The following TMEM132D variants were observed in gnomAD, a reference collection of about 807,000 sequenced individuals.
TMEM132D encodes the protein mature OL transmembrane protein.
In TMEM132D, 21 loss-of-function variants were observed where a neutral mutation model predicts 62.3. The ratio of observed to expected loss-of-function variants is 0.34; its 90% CI spans 0.24 to 0.49. The LOEUF is 0.49. TMEM132D is among the 20% of genes least tolerant of loss of function. The probability of loss-of-function intolerance (pLI) is 0.99; values close to 1 mark genes in which losing one functional copy is unlikely to be tolerated. For synonymous variants in TMEM132D, 621 were observed against 575.6 expected, an observed-to-expected ratio of 1.08 and a Z score of -1.13; for missense variants, 1,346 against 1,402.8, an observed-to-expected ratio of 0.96 and a Z score of 0.65.
chr12:129,717,715 CAT>C (rs1463442286), intron 1 of TMEM132D, among the ~76,000 whole-genome samples: 1 of 150,810 alleles, frequency 6.6e-6, no homozygotes. Flanking sequence ...AAATAGTTAA[CAT>C]ATTTAATAAA....
chr12:129,424,505 C>T (rs1020266874), intron 3 of TMEM132D, among the ~76,000 whole-genome samples: 6 of 152,006 alleles, frequency 3.9e-5, no homozygotes, highest in African/African-American at 1.5e-4. Flanking sequence ...TTGAGACCAT[C>T]CTGGCCAACA....
At chr12:129,393,288 G>A (rs1871338368) in intron 3 of TMEM132D, among the ~76,000 whole-genome samples, 1 of 152,214 alleles carries the variant, frequency 6.6e-6, no homozygotes, top group African/African-American at 2.4e-5. Flanking sequence ...ATGAGTGAGT[G>A]AATGAGTGAG....
intron 3 of TMEM132D, among the ~76,000 whole-genome samples, chr12:129,491,217 G>A (rs991984970): frequency 6.6e-6 from 1 of 152,132 alleles, no homozygotes; most frequent in African/African-American, 2.4e-5. Flanking sequence ...ACGAACATGT[G>A]GTTCACTCAT....
chr12:129,228,766 A>G (rs996645335), intron 4 of TMEM132D, among the ~76,000 whole-genome samples: 2 of 152,218 alleles, frequency 1.3e-5, no homozygotes, highest in African/African-American at 4.8e-5. Context: ...ACAAAAATCA[A>G]TTCCGATGCT....
At position 129,518,736 on chromosome 12, in the gene TMEM132D, G is replaced by A. The variant is rs185564228; in HGVS notation, c.1115+12323C>T. On this transcript the variant is annotated intron_variant, in intron 3 of 8. Transcript: ENST00000422113. The stretch of plus-strand genomic sequence containing the variant: ...TTTAAAACACCATTTTGTCAGCTCT[G>A]TTACATTTTGCTTGTGAAACTGCTA... Among the ~76,000 whole-genome samples, 21 of 152,018 alleles carry A rather than the reference G, an allele frequency of 1.4e-4. No individual in the cohort carries two copies. In the East Asian group the frequency reaches 3.9e-3, roughly 28 times the overall value.
intron 3 of TMEM132D, among the ~76,000 whole-genome samples, chr12:129,529,205 G>A (rs1030333247): frequency 3.7e-4 from 56 of 152,166 alleles, no homozygotes; most frequent in African/African-American, 1.3e-3. Flanking sequence ...AATGTACAAA[G>A]AGATAAGGAA....
Position 129,182,211 on chromosome 12 carries a change from A to C in TMEM132D, c.1443+27309T>G, listed in dbSNP as rs566849445. Among the ~76,000 whole-genome samples the C allele has an allele frequency of 2.6e-5, 4 of 152,294 alleles. No individual in the cohort carries two copies. The East Asian group carries it at 5.8e-4, about 22-fold the overall frequency. ...ACTCCATCTCTACTAAAAATACAAA[A>C]AAATTAGCCGGGTGCAGTGGTGCAC... On this transcript the variant is annotated intron_variant, in intron 5 of 8. Coordinates refer to ENST00000422113, the MANE Select transcript of TMEM132D (RefSeq NM_133448.3).
At position 129,489,144 on chromosome 12, in the gene TMEM132D, G is replaced by A. The variant is rs557381168; in HGVS notation, c.1115+41915C>T. ...ATTTCTCTCATTCTTAACATTCTCC[G>A]AAAATTAAAATTATGTTGAAGGATT... On this transcript the variant is annotated intron_variant, in intron 3 of 8. Coordinates refer to ENST00000422113, the MANE Select transcript of TMEM132D (RefSeq NM_133448.3). 2.4e-3 allele frequency among the ~76,000 whole-genome samples: 360 copies of A among 152,280 alleles called. 3 individuals are homozygous for A. The highest frequency in any genetic ancestry group is 7.9e-3 in the African/African-American group (329 of 41,554).
chr12:129,656,807 T>C (rs1485818467), intron 2 of TMEM132D, among the ~76,000 whole-genome samples: 4 of 152,188 alleles, frequency 2.6e-5, no homozygotes, highest in Non-Finnish European at 5.9e-5. Context: ...ATAGGCACTA[T>C]TATTTTACTA....
intron 3 of TMEM132D, among the ~76,000 whole-genome samples, chr12:129,484,324 G>A (rs891939871): frequency 2.0e-5 from 3 of 152,132 alleles, no homozygotes; most frequent in African/African-American, 7.2e-5. Flanking sequence ...TGCATCAACT[G>A]TCCCTTAACT....
intron 5 of TMEM132D, among the ~76,000 whole-genome samples, chr12:129,205,591 G>A (rs1471720368): frequency 2.0e-5 from 3 of 152,040 alleles, no homozygotes; most frequent in Non-Finnish European, 4.4e-5. Context: ...CCCATTGACA[G>A]TATTAGACAA....
At chr12:129,528,922 C>T (rs1876136050) in intron 3 of TMEM132D, among the ~76,000 whole-genome samples, 1 of 152,222 alleles carries the variant, frequency 6.6e-6, no homozygotes, top group African/African-American at 2.4e-5. Context: ...ACACATTTGT[C>T]TATCAACAAA....
intron 1 of TMEM132D, among the ~76,000 whole-genome samples, chr12:129,864,371 G>C (rs1291837876): frequency 6.6e-6 from 1 of 152,190 alleles, no homozygotes; most frequent in Non-Finnish European, 1.5e-5. Context: ...TATAGAAACA[G>C]CAAAATCATA....
At chr12:129,404,197 G>GTTA (rs1555253684) in intron 3 of TMEM132D, among the ~76,000 whole-genome samples, 3 of 151,586 alleles carry the variant, frequency 2.0e-5, no homozygotes, top group Non-Finnish European at 2.9e-5. Context: ...GGGTTATTTA[G>GTTA]TTATTTATTT....
intron 5 of TMEM132D, among the ~76,000 whole-genome samples, chr12:129,206,670 C>G (rs544683332): frequency 2.0e-5 from 3 of 152,306 alleles, no homozygotes; most frequent in Admixed American, 2.0e-4. Flanking sequence ...CATTGCTACA[C>G]TATTCACAAT....
At chr12:129,102,965 T>C (rs1400659838) in intron 5 of TMEM132D, among the ~76,000 whole-genome samples, 1 of 152,174 alleles carries the variant, frequency 6.6e-6, no homozygotes, top group Non-Finnish European at 1.5e-5. Flanking sequence ...ACAACAATTA[T>C]TGAATTTTGT....
At chr12:129,536,150 C>T (rs115341522) in intron 2 of TMEM132D, among the ~76,000 whole-genome samples, 1 of 152,184 alleles carries the variant, frequency 6.6e-6, no homozygotes, top group African/African-American at 2.4e-5. Flanking sequence ...CATGTGGCCA[C>T]ATAGTCTCTG....
chr12:129,844,603 C>T (rs999868603), intron 1 of TMEM132D, among the ~76,000 whole-genome samples: 2 of 152,124 alleles, frequency 1.3e-5, no homozygotes, highest in Middle Eastern at 3.2e-3. Context: ...AGCCTGTGAG[C>T]CCTTATGCAC....
chr12:129,163,614 C>G (rs1207878316), intron 5 of TMEM132D, among the ~76,000 whole-genome samples: 1 of 152,216 alleles, frequency 6.6e-6, no homozygotes. Flanking sequence ...ACAAAGCTTC[C>G]CCTCCCTGGG....
Sources: gnomAD v4.1 joint callset for allele counts (sites outside exome capture counted in the v4.1 genomes callset) on GRCh38, gnomAD v4.1.1 for gene constraint, MANE v1.5 for transcripts, NCBI Gene and HGNC (gene_info 2026-07-23, HGNC 2026-07-21) for gene names.